Variants in KLRD1 observed in about 807,000 individuals in gnomAD.
KLRD1 encodes killer cell lectin like receptor D1.
KLRD1 carries 21 observed loss-of-function variants against 22.6 expected under a neutral mutation model. That is an observed-to-expected ratio of 0.93 (90% CI 0.66 to 1.34). The LOEUF (loss-of-function observed/expected upper bound fraction) is 1.34, where lower values mean the gene tolerates loss of function less well. Among genes scored for constraint, KLRD1 ranks in the 40% most tolerant of loss-of-function variants. KLRD1 has a pLI of 0.00. For missense variants in KLRD1, 183 were observed against 208.6 expected, an observed-to-expected ratio of 0.88 and a Z score of 0.76; for synonymous variants, 59 against 71.1, an observed-to-expected ratio of 0.83 and a Z score of 0.85.
chr12:10,279,119 T>C (rs755875896), intron 1 of KLRD1, among the ~76,000 whole-genome samples: 10 of 151,926 alleles, frequency 6.6e-5, no homozygotes, highest in Non-Finnish European at 1.5e-5. Flanking sequence ...ACCCAACAGG[T>C]AGTTTTTTGA....
chr12:10,280,336 T>A (rs1430451478), intron 1 of KLRD1, among the ~76,000 whole-genome samples: 2 of 152,228 alleles, frequency 1.3e-5, no homozygotes, highest in African/African-American at 2.4e-5. Flanking sequence ...AGAATAGAGA[T>A]GGACCGCTTC....
intron 1 of KLRD1, among the ~76,000 whole-genome samples, chr12:10,285,110 T>A (rs529876638): frequency 6.6e-6 from 1 of 152,366 alleles, no homozygotes; most frequent in Admixed American, 6.5e-5. Context: ...GAGATTTCTC[T>A]TCATTATCTG....
At chr12:10,314,306 C>T (rs1354723338) in intron 5 of KLRD1, among the ~76,000 whole-genome samples, 2 of 152,130 alleles carry the variant, frequency 1.3e-5, no homozygotes, top group African/African-American at 4.8e-5. Context: ...CATTTATAAA[C>T]ATGAGATTTG....
At chr12:10,246,079 T>C (rs1949288270) in intron 1 of KLRD1, among the ~76,000 whole-genome samples, 1 of 152,236 alleles carries the variant, frequency 6.6e-6, no homozygotes, top group Non-Finnish European at 1.5e-5. Flanking sequence ...AGCATTTTCA[T>C]TGAGAGGGCA....
chr12:10,311,375 C>T (rs1453872179), intron 3 of KLRD1, 89 bp from the exon 4 acceptor site: 4 of 1,270,942 alleles, frequency 3.1e-6, no homozygotes, highest in Non-Finnish European at 4.4e-6. Context: ...TAAAAGAATA[C>T]ACAGCAAATA....
At chr12:10,313,627 G>A in intron 5 of KLRD1, 114 bp downstream of exon 5, 1 of 533,622 alleles carries the variant, frequency 1.9e-6, no homozygotes, top group Non-Finnish European at 3.3e-6. Context: ...TCTAGGGCAT[G>A]AGAATACAGT....
intron 1 of KLRD1, among the ~76,000 whole-genome samples, chr12:10,239,474 C>CT: frequency 1.1e-5 from 1 of 87,330 alleles, no homozygotes; most frequent in African/African-American, 4.2e-5. Flanking sequence ...TCCTTCCTTC[C>CT]TTCCTTCCTT....
intron 1 of KLRD1, among the ~76,000 whole-genome samples, chr12:10,277,511 T>C (rs1458516519): frequency 1.3e-5 from 2 of 152,170 alleles, no homozygotes; most frequent in African/African-American, 4.8e-5. Flanking sequence ...GAGAGTAGAA[T>C]TTGGAAGCTG....
Position 10,311,539 on chromosome 12 carries a change from A to G in KLRD1, c.239A>G (p.Lys80Arg), listed in dbSNP as rs764821727. The G allele has an allele frequency of 2.5e-6, 4 of 1,614,136 alleles. No homozygotes were observed. The highest frequency in any genetic ancestry group is 3.4e-6 in the Non-Finnish European group (4 of 1,179,964). The change falls in exon 4 of 6, where the codon AAA becomes AGA. Residue 80 changes from lysine (K) to arginine (R), a missense_variant. Lys to Arg is a conservative substitution (Grantham distance 26). Transcript: ENST00000336164. Reference sequence around the variant, plus strand: ...TGTTACTTCATTTCCAGTGAACAGAAAACTTGGAACGAAAGTCGGCATCTC... The same window carrying G: ...TGTTACTTCATTTCCAGTGAACAGAGAACTTGGAACGAAAGTCGGCATCTC... ...CNCYFISSEQKTWNESRHLCA... is the reference protein window; with the variant it reads ...CNCYFISSEQRTWNESRHLCA...
rs1368149238 is a variant in KLRD1, at chr12:10,316,135, AAAAAG to A, written c.*1344_*1348del. On this transcript the variant is annotated 3_prime_UTR_variant, in exon 6 of 6. Transcript: ENST00000336164. ...TCCTCTCCAAAAAAAAAAAAAAAAA[AAAAAG>A]ATGAAAGGATTTGGAACCTTAATTG... is the stretch of plus-strand genomic sequence containing the variant. 4.0e-4 allele frequency: 61 copies of A among 151,654 alleles called. No individual in the cohort carries two copies. Among genetic ancestry groups the A allele is most frequent in the African/African-American group, 1.5e-3 (60 of 41,302 alleles). The allele number at this position is 151,654 out of a possible 1,614,324, so 9.4% of individuals were successfully genotyped here.
intron 1 of KLRD1, among the ~76,000 whole-genome samples, chr12:10,284,123 T>C (rs1195209969): frequency 2.0e-5 from 3 of 150,786 alleles, no homozygotes; most frequent in Non-Finnish European, 4.4e-5. Context: ...GAGGTGGAGG[T>C]TGCAGTGAGC....
upstream of KLRD1, among the ~76,000 whole-genome samples, chr12:10,305,722 C>G (rs1339875091): frequency 1.3e-5 from 2 of 152,144 alleles, no homozygotes; most frequent in Non-Finnish European, 2.9e-5. Context: ...CCCATAGATA[C>G]AGCTATACAG....
At chr12:10,267,162 C>T (rs973496764) in intron 1 of KLRD1, among the ~76,000 whole-genome samples, 2 of 140,034 alleles carry the variant, frequency 1.4e-5, no homozygotes, top group African/African-American at 5.2e-5. Flanking sequence ...TTATTAATCT[C>T]ATAAAATTTT....
rs3983613 is a variant in KLRD1 at position 10,323,864 on chromosome 12, C to CTTTTTTTTTTTTTTTTTTTTTTTTTTTTT, written c.*9086_*9087insTTTTTTTTTTTTTTTTTTTTTTTTTTTTT. 6.6e-5 allele frequency: 7 copies of CTTTTTTTTTTTTTTTTTTTTTTTTTTTTT among 106,340 alleles called. 1 individual carries two copies. Among genetic ancestry groups the CTTTTTTTTTTTTTTTTTTTTTTTTTTTTT allele is most frequent in the Admixed American group, 2.5e-4 (2 of 8,006 alleles). The allele number at this position is 106,340 out of a possible 1,614,324, so 6.6% of individuals were successfully genotyped here. ...TTCCCTTTTATTTCTTATTTCTTTC[C>CTTTTTTTTTTTTTTTTTTTTTTTTTTTTT]TTTTTTTTTTTTTTTGAGACTGAGT... On this transcript the variant is annotated 3_prime_UTR_variant, in exon 6 of 6. Transcript: ENST00000336164.
At chr12:10,293,594 A>G (rs1409287135) in intron 1 of KLRD1, among the ~76,000 whole-genome samples, 5 of 152,176 alleles carry the variant, frequency 3.3e-5, no homozygotes, top group Non-Finnish European at 7.4e-5. Flanking sequence ...ATCACTGATC[A>G]CAGATCACCA....
intron 1 of KLRD1, among the ~76,000 whole-genome samples, chr12:10,282,019 A>G (rs1389159295): frequency 6.6e-6 from 1 of 152,192 alleles, no homozygotes; most frequent in Non-Finnish European, 1.5e-5. Flanking sequence ...TGTTAAAACT[A>G]CCAATAACCA....
chr12:10,296,312 C>T (rs12814085), intron 1 of KLRD1, among the ~76,000 whole-genome samples: 11,287 of 151,966 alleles, frequency 0.074, 496 homozygotes, highest in East Asian at 0.17. Flanking sequence ...GTCTGGAGAT[C>T]GAGACCATCC....
chr12:10,282,841 A>G (rs1949658822), intron 1 of KLRD1, among the ~76,000 whole-genome samples: 1 of 152,232 alleles, frequency 6.6e-6, no homozygotes, highest in Admixed American at 6.5e-5. Flanking sequence ...AATAGTGGAC[A>G]GTCTCTACAA....
chr12:10,279,701 A>T (rs1340918119), intron 1 of KLRD1, among the ~76,000 whole-genome samples: 1 of 152,176 alleles, frequency 6.6e-6, no homozygotes, highest in Non-Finnish European at 1.5e-5. Context: ...TGTATCAAGA[A>T]TTTTTCCATC....
Sources: gnomAD v4.1 joint callset for allele counts (sites outside exome capture counted in the v4.1 genomes callset) on GRCh38, gnomAD v4.1.1 for gene constraint, MANE v1.5 for transcripts, NCBI Gene and HGNC (gene_info 2026-07-23, HGNC 2026-07-21) for gene names.